PCSK5: variants seen among roughly 807,000 people sequenced by gnomAD.
PCSK5 encodes the protein proprotein convertase subtilisin/kexin type 5, also known as prohormone convertase 5.
PCSK5 carries 129 observed loss-of-function variants against 233.2 expected under a neutral mutation model. The observed-to-expected ratio is 0.55, with a 90% CI of 0.48 to 0.64. The LOEUF (loss-of-function observed/expected upper bound fraction) is 0.64. Ranked by LOEUF, PCSK5 falls within the 30% of genes least tolerant of loss-of-function variation. The pLI, the probability that PCSK5 is intolerant of heterozygous loss-of-function variation, is 0.00. For synonymous variants in PCSK5, 825 were observed against 879.2 expected (o/e 0.94, Z 1.09); for missense variants, 2,076 against 2,430.1 (o/e 0.85, Z 3.06).
At chr9:76,164,322 T>C (rs566887132) in intron 12 of PCSK5, among the ~76,000 whole-genome samples, 4 of 152,342 alleles carry the variant, frequency 2.6e-5, no homozygotes, top group African/African-American at 9.6e-5. Context: ...TGGGTTTTTC[T>C]TGACTTCACT....
intron 20 of PCSK5, among the ~76,000 whole-genome samples, chr9:76,210,990 A>G (rs1313600174): frequency 2.0e-5 from 3 of 152,124 alleles, no homozygotes. Context: ...GAAGCACAGG[A>G]GGGGTATCAG....
At chr9:76,262,429 A>T (rs1827207132) in intron 24 of PCSK5, among the ~76,000 whole-genome samples, 1 of 152,160 alleles carries the variant, frequency 6.6e-6, no homozygotes, top group Non-Finnish European at 1.5e-5. Flanking sequence ...CAAAACAGAG[A>T]TATGGATCAA....
rs1828301499 is a variant in PCSK5 at position 76,292,238 on chromosome 9, C to T, written c.3148C>T (p.Pro1050Ser). Residue 1050 changes from proline to serine, a missense_variant, in exon 25 of 38, where the codon CCA (proline) becomes TCA (serine). Physicochemically the swap from Pro to Ser is moderately conservative, Grantham distance 74. Coordinates refer to ENST00000674117, the MANE Select transcript of PCSK5 (RefSeq NM_001372043.1). ...EGCLGCSLDDPGTCTSCAMGY... is the reference protein window; with the variant it reads ...EGCLGCSLDDSGTCTSCAMGY... ...TTATTATTTTTTTTTTCCAGATGAT[C>T]CAGGAACATGTACATCTTGCGCTAT... 4 of 1,562,768 alleles carry T rather than the reference C, an allele frequency of 2.6e-6. No homozygotes were observed. In the South Asian group the frequency reaches 4.5e-5, roughly 18 times the overall value.
intron 1 of PCSK5, among the ~76,000 whole-genome samples, chr9:75,909,877 G>A (rs1036403255): frequency 6.6e-6 from 1 of 152,188 alleles, no homozygotes; most frequent in Non-Finnish European, 1.5e-5. Context: ...GCATGGCCAG[G>A]TGACTTCAGT....
chr9:75,992,677 C>T (rs1826822497), intron 3 of PCSK5, among the ~76,000 whole-genome samples: 2 of 152,116 alleles, frequency 1.3e-5, no homozygotes, highest in South Asian at 4.1e-4. Flanking sequence ...TCTAGTAATT[C>T]ATATGACTGG....
rs1257935436 is a variant in PCSK5 at position 75,928,114 on chromosome 9, G to A, written c.193-4265G>A. 2.6e-5 allele frequency among the ~76,000 whole-genome samples: 4 copies of A among 152,152 alleles called. No individual in the cohort carries two copies. The East Asian group carries it at 7.7e-4, about 29-fold the overall frequency. On this transcript the variant is annotated intron_variant, in intron 1 of 37. Transcript: ENST00000674117. ...TAGAGTTGTGTGTAGAGTTGTGTTA[G>A]TGTGTGACTGTACAGAAGAGGAGCT...
At chr9:76,295,181 A>C in intron 25 of PCSK5, 94 bp from the exon 26 acceptor site, 1 of 1,161,456 alleles carries the variant, frequency 8.6e-7, no homozygotes, top group Non-Finnish European at 1.2e-6. Context: ...ACGAAACAAA[A>C]AACTCTGCAT....
At chr9:75,924,229 G>A (rs554877428) in intron 1 of PCSK5, among the ~76,000 whole-genome samples, 1 of 152,232 alleles carries the variant, frequency 6.6e-6, no homozygotes, top group East Asian at 1.9e-4. Context: ...TATCTATACT[G>A]TAGTGATTTT....
intron 20 of PCSK5, among the ~76,000 whole-genome samples, chr9:76,220,358 C>T (rs1206518380): frequency 1.3e-5 from 2 of 151,896 alleles, no homozygotes; most frequent in Non-Finnish European, 2.9e-5. Flanking sequence ...GAAACCCTGT[C>T]TCTACTAAAA....
intron 10 of PCSK5, among the ~76,000 whole-genome samples, chr9:76,140,741 C>A (rs958158915): frequency 1.3e-5 from 2 of 152,026 alleles, no homozygotes. Context: ...CACCTTAAGT[C>A]CAACCTACTA....
chr9:76,284,924 A>G (rs1828014988), intron 24 of PCSK5, among the ~76,000 whole-genome samples: 3 of 152,198 alleles, frequency 2.0e-5, no homozygotes, highest in South Asian at 2.1e-4. Flanking sequence ...GTACATAATA[A>G]ATAATAATGA....
In PCSK5 at chr9:76,323,300, T is replaced by C; in HGVS notation, c.4339+12T>C. On this transcript the variant is annotated intron_variant, in intron 32 of 37. Coordinates refer to ENST00000674117, the MANE Select transcript of PCSK5 (RefSeq NM_001372043.1). ...TAAGGAGTGCAGAGGTAAAGACTTC[T>C]GGGATTCAAAATAGGCTCCGGGGTT... The C allele has an allele frequency of 6.6e-7, 1 of 1,518,652 alleles. No homozygotes were observed. Among genetic ancestry groups the C allele is most frequent in the African/African-American group, 1.4e-5 (1 of 72,914 alleles). The allele number at this position is 1,518,652 out of a possible 1,614,324, so 94.1% of individuals were successfully genotyped here.
intron 3 of PCSK5, among the ~76,000 whole-genome samples, chr9:76,017,763 T>C (rs75793005): frequency 0.015 from 2,208 of 152,198 alleles, 47 homozygotes; most frequent in African/African-American, 0.05. Flanking sequence ...TGTGTGTGTG[T>C]GATAACTAAG....
intron 24 of PCSK5, among the ~76,000 whole-genome samples, chr9:76,267,862 A>G (rs533761275): frequency 2.0e-5 from 3 of 152,252 alleles, no homozygotes; most frequent in Admixed American, 2.0e-4. Context: ...ATACAAGGAG[A>G]AAAGTCTCCC....
At chr9:75,942,790 G>A (rs1253348556) in intron 2 of PCSK5, among the ~76,000 whole-genome samples, 4 of 152,006 alleles carry the variant, frequency 2.6e-5, no homozygotes, top group Non-Finnish European at 4.4e-5. Flanking sequence ...GCAGGTTATG[G>A]ATTTTGCATA....
intron 36 of PCSK5, 36 bp downstream of exon 36, chr9:76,350,964 T>C (rs375776630): frequency 4.4e-5 from 46 of 1,046,966 alleles, no homozygotes; most frequent in Non-Finnish European, 5.2e-5. Context: ...CTTCTGCTCT[T>C]TCTAGAGGGA....
chr9:76,180,091 A>G (rs573415415), intron 15 of PCSK5, among the ~76,000 whole-genome samples: 32 of 135,700 alleles, frequency 2.4e-4, no homozygotes, highest in East Asian at 8.7e-4. Context: ...GTGTGTGTAT[A>G]TATATATATA....
chr9:75,936,964 G>A (rs1824082266), intron 2 of PCSK5, among the ~76,000 whole-genome samples: 1 of 140,304 alleles, frequency 7.1e-6, no homozygotes, highest in Non-Finnish European at 1.6e-5. Context: ...TAGCAGGCAT[G>A]AGAACAGTAA....
At chr9:75,937,412 C>T (rs1043727595) in intron 2 of PCSK5, among the ~76,000 whole-genome samples, 1 of 152,112 alleles carries the variant, frequency 6.6e-6, no homozygotes, top group Non-Finnish European at 1.5e-5. Flanking sequence ...CTCCTGACCT[C>T]AGGTGATCCT....
Sources: gnomAD v4.1 joint callset for allele counts (sites outside exome capture counted in the v4.1 genomes callset) on GRCh38, gnomAD v4.1.1 for gene constraint, MANE v1.5 for transcripts, NCBI Gene and HGNC (gene_info 2026-07-23, HGNC 2026-07-21) for gene names.